The following CAMK2D variants were observed in gnomAD, a reference collection of about 807,000 sequenced individuals.
CAMK2D encodes calcium/calmodulin-dependent protein kinase type II subunit delta.
In CAMK2D, 37 loss-of-function variants were observed where a neutral mutation model predicts 84.0. The observed-to-expected ratio is 0.44, with a 90% CI of 0.34 to 0.58. The LOEUF is 0.58. CAMK2D is among the 20% of genes least tolerant of loss of function. The pLI, the probability that CAMK2D is intolerant of heterozygous loss-of-function variation, is 0.02. For synonymous variants in CAMK2D, 202 were observed against 212.5 expected, an observed-to-expected ratio of 0.95 and a Z score of 0.43; for missense variants, 448 against 652.5, an observed-to-expected ratio of 0.69 and a Z score of 3.41.
chr4:113,488,996 T>C (rs11947512), intron 16 of CAMK2D, among the ~76,000 whole-genome samples: 3 of 151,972 alleles, frequency 2.0e-5, no homozygotes, highest in South Asian at 2.1e-4. Flanking sequence ...AGAGGTAAAA[T>C]AGAAGAAATA....
At chr4:113,534,683 T>C (rs1239488423) in intron 7 of CAMK2D, among the ~76,000 whole-genome samples, 1 of 152,234 alleles carries the variant, frequency 6.6e-6, no homozygotes, top group Non-Finnish European at 1.5e-5. Flanking sequence ...ATGCAAAGAA[T>C]TATGTCATTG....
At chr4:113,701,939 G>A (rs1326990960) in intron 2 of CAMK2D, among the ~76,000 whole-genome samples, 1 of 152,124 alleles carries the variant, frequency 6.6e-6, no homozygotes, top group Non-Finnish European at 1.5e-5. Flanking sequence ...GGGTTCATGT[G>A]ATCTGCCTTC....
chr4:113,504,831 C>CAA lies in CAMK2D; in HGVS notation c.1044+143_1044+144dup, dbSNP rs35574643. Reference sequence around the variant, plus strand: ...ATGAACTTGGTCATATCATAGAAAGCAAAAAAAAAAAAAAACAAAACCCAA... The same window carrying CAA: ...ATGAACTTGGTCATATCATAGAAAGCAAAAAAAAAAAAAAAAACAAAACCCAA... On this transcript the variant is annotated intron_variant, in intron 14 of 20. Coordinates refer to ENST00000511664, the MANE Select transcript of CAMK2D (RefSeq NM_001321571.2). 4.1e-3 allele frequency: 984 copies of CAA among 240,220 alleles called. 1 individual carries two copies. The highest frequency in any genetic ancestry group is 7.2e-3 in the South Asian group (27 of 3,726). 14.9% of individuals were successfully genotyped at this position (240,220 alleles called of 1,614,324 possible).
At chr4:113,550,760 T>C (rs1233902898) in intron 5 of CAMK2D, among the ~76,000 whole-genome samples, 2 of 152,174 alleles carry the variant, frequency 1.3e-5, no homozygotes, top group Non-Finnish European at 2.9e-5. Flanking sequence ...AGGACCCTAA[T>C]GTGGGGATTT....
At chr4:113,568,434 T>G (rs2154219146) in intron 4 of CAMK2D, among the ~76,000 whole-genome samples, 1 of 152,348 alleles carries the variant, frequency 6.6e-6, no homozygotes, top group East Asian at 1.9e-4. Flanking sequence ...CTGTGTAATA[T>G]TGCATCGTAT....
chr4:113,654,127 A>T (rs552883647), intron 3 of CAMK2D, among the ~76,000 whole-genome samples: 54 of 152,156 alleles, frequency 3.5e-4, no homozygotes, highest in African/African-American at 1.3e-3. Context: ...TGTGTTTTTC[A>T]TCTCTTTTTA....
chr4:113,672,705 A>T (rs1047066030), intron 2 of CAMK2D, among the ~76,000 whole-genome samples: 4 of 151,684 alleles, frequency 2.6e-5, no homozygotes, highest in Non-Finnish European at 5.9e-5. Context: ...TTAATTAAAA[A>T]TAAAATTAAT....
At chr4:113,469,884 C>A (rs1163060692) in intron 16 of CAMK2D, among the ~76,000 whole-genome samples, 3 of 152,156 alleles carry the variant, frequency 2.0e-5, no homozygotes, top group African/African-American at 7.2e-5. Flanking sequence ...TTCCTCTTCA[C>A]CCCCACTCTC....
chr4:113,654,128 T>C (rs1227441712), intron 3 of CAMK2D, among the ~76,000 whole-genome samples: 1 of 152,030 alleles, frequency 6.6e-6, no homozygotes, highest in Non-Finnish European at 1.5e-5. Context: ...GTGTTTTTCA[T>C]CTCTTTTTAG....
intron 2 of CAMK2D, among the ~76,000 whole-genome samples, chr4:113,739,141 C>G (rs1037870826): frequency 2.0e-5 from 3 of 152,096 alleles, no homozygotes; most frequent in Non-Finnish European, 4.4e-5. Flanking sequence ...AACTGAAATT[C>G]AACATTCAAA....
intron 2 of CAMK2D, among the ~76,000 whole-genome samples, chr4:113,706,319 A>G (rs2099455207): frequency 6.6e-6 from 1 of 152,208 alleles, no homozygotes; most frequent in African/African-American, 2.4e-5. Flanking sequence ...TAACACTGTA[A>G]GAGACAAAAT....
At chr4:113,502,829 G>T in intron 15 of CAMK2D, 107 bp downstream of exon 15, 2 of 783,416 alleles carry the variant, frequency 2.6e-6, no homozygotes, top group African/African-American at 1.7e-5. Flanking sequence ...GGTAGAAAAT[G>T]GTTAGAATTT....
At chr4:113,565,130 G>GTTCCT (rs1248500072) in intron 4 of CAMK2D, among the ~76,000 whole-genome samples, 1 of 152,170 alleles carries the variant, frequency 6.6e-6, no homozygotes, top group African/African-American at 2.4e-5. Flanking sequence ...ATAGTCACCA[G>GTTCCT]CTGCAGATAA....
chr4:113,672,282 G>T (rs1038756345), intron 2 of CAMK2D, among the ~76,000 whole-genome samples: 5 of 152,086 alleles, frequency 3.3e-5, no homozygotes, highest in Non-Finnish European at 5.9e-5. Context: ...AAAGAAATTG[G>T]CTTCCAGTAC....
chr4:113,486,713 A>G (rs2097768914), intron 16 of CAMK2D, among the ~76,000 whole-genome samples: 2 of 152,200 alleles, frequency 1.3e-5, no homozygotes, highest in South Asian at 2.1e-4. Context: ...TTATTTTTTA[A>G]TATAACAACA....
intron 2 of CAMK2D, among the ~76,000 whole-genome samples, chr4:113,720,790 T>A (rs1456835209): frequency 6.6e-6 from 1 of 152,104 alleles, no homozygotes; most frequent in Non-Finnish European, 1.5e-5. Flanking sequence ...ACTGGCATAT[T>A]CTCAATATGA....
intron 4 of CAMK2D, among the ~76,000 whole-genome samples, chr4:113,564,067 C>G (rs891615400): frequency 6.6e-6 from 1 of 152,156 alleles, no homozygotes; most frequent in Admixed American, 6.5e-5. Context: ...TAAATGTCTA[C>G]TTTTCCATTT....
At chr4:113,549,105 T>G (rs1250212932) in intron 5 of CAMK2D, among the ~76,000 whole-genome samples, 1 of 152,198 alleles carries the variant, frequency 6.6e-6, no homozygotes, top group African/African-American at 2.4e-5. Context: ...TTCCAGGTAT[T>G]TCTTATACAC....
At chr4:113,639,577 T>C (rs2099124041) in intron 3 of CAMK2D, among the ~76,000 whole-genome samples, 1 of 151,738 alleles carries the variant, frequency 6.6e-6, no homozygotes, top group Non-Finnish European at 1.5e-5. Flanking sequence ...CACCCTAGAA[T>C]ACCAATTAGG....
Sources: allele counts gnomAD v4.1 joint callset (sites outside exome capture counted in the v4.1 genomes callset), GRCh38; gene constraint gnomAD v4.1.1; transcripts MANE v1.5; gene names NCBI Gene and HGNC (gene_info 2026-07-23, HGNC 2026-07-21).